The following SYNE1 variants were observed in gnomAD, a reference collection of about 807,000 sequenced individuals.
SYNE1 encodes the protein nesprin-1.
SYNE1 carries 616 observed loss-of-function variants against 1,111.0 expected under a neutral mutation model. That is an observed-to-expected ratio of 0.55 (90% CI 0.52 to 0.59). SYNE1 has a LOEUF of 0.59. Ranked by LOEUF, SYNE1 falls within the 20% of genes least tolerant of loss-of-function variation. SYNE1 has a pLI of 0.00. For synonymous variants in SYNE1, 3,855 were observed against 3,825.8 expected, an observed-to-expected ratio of 1.01 and a Z score of -0.28; for missense variants, 10,006 against 10,417.0, an observed-to-expected ratio of 0.96 and a Z score of 1.72.
Position 152,234,032 on chromosome 6 carries a change from A to T in SYNE1, c.20530-69T>A, listed in dbSNP as rs2083400583. The stretch of plus-strand genomic sequence containing the variant: ...CCATTCATTAAAAGGAAAGCGACCA[A>T]TTTAGTGCATGAAACAATTTCCTTT... On this transcript the variant is annotated intron_variant, in intron 111 of 145. Transcript: ENST00000367255. 21 of 1,500,910 alleles carry T rather than the reference A, an allele frequency of 1.4e-5. No homozygotes were observed. The South Asian group carries it at 2.2e-4, about 16-fold the overall frequency. The allele number at this position is 1,500,910 out of a possible 1,614,324, so 93.0% of individuals were successfully genotyped here. A position where few individuals can be genotyped will look rare whatever the true frequency, so the allele number is the denominator to read the frequency against.
At chr6:152,294,904 AG>A (rs1400293786) in intron 93 of SYNE1, among the ~76,000 whole-genome samples, 5 of 152,146 alleles carry the variant, frequency 3.3e-5, no homozygotes, top group Non-Finnish European at 7.4e-5. Context: ...TCTGTATTTC[AG>A]TAGAAATTTA....
chr6:152,387,426 T>C, intron 53 of SYNE1, 45 bp from the exon 54 acceptor site: 1 of 1,590,640 alleles, frequency 6.3e-7, no homozygotes, highest in South Asian at 1.1e-5. Context: ...TATTTTGACA[T>C]CTCTACTGAA....
At chr6:152,432,978 A>G (rs967725181) in intron 34 of SYNE1, among the ~76,000 whole-genome samples, 1 of 151,084 alleles carries the variant, frequency 6.6e-6, no homozygotes, top group Admixed American at 6.6e-5. Context: ...GCACCCTCCC[A>G]CCCTCCACAT....
chr6:152,279,589 G>A (rs186491879), intron 97 of SYNE1, among the ~76,000 whole-genome samples: 7 of 151,904 alleles, frequency 4.6e-5, no homozygotes, highest in Non-Finnish European at 7.4e-5. Context: ...GTGGTGGCAC[G>A]TGCCTGTACT....
chr6:152,351,101 G>T (rs756221471), intron 70 of SYNE1, among the ~76,000 whole-genome samples: 3 of 152,084 alleles, frequency 2.0e-5, no homozygotes, highest in African/African-American at 7.2e-5. Context: ...ACATAAAAAG[G>T]CCACTATCTT....
rs2059944292 is a variant in SYNE1, at chr6:152,148,848, A to T, written c.24643-470T>A. ...CTACCATGCCCACCACACAACACCT[A>T]CACACTGGCAAGGATCGGAAATAAG... is the stretch of plus-strand genomic sequence containing the variant. On this transcript the variant is annotated intron_variant, in intron 136 of 145. Transcript: ENST00000367255. The surrounding 1 kb of genome is among the most constrained non-coding windows in gnomAD (Gnocchi z 4.1). Among the ~76,000 whole-genome samples the T allele has an allele frequency of 6.6e-6, 1 of 152,180 alleles. No homozygotes were observed. Among genetic ancestry groups the T allele is most frequent in the Non-Finnish European group, 1.5e-5 (1 of 68,022 alleles).
intron 128 of SYNE1, among the ~76,000 whole-genome samples, chr6:152,186,645 G>A (rs1429797828): frequency 6.7e-6 from 1 of 148,946 alleles, no homozygotes; most frequent in Non-Finnish European, 1.5e-5. Flanking sequence ...CAGGAAGAGT[G>A]GCATAATCCA....
intron 62 of SYNE1, 126 bp from the exon 63 acceptor site, chr6:152,365,145 G>A (rs1365527611): frequency 3.3e-5 from 40 of 1,209,532 alleles, no homozygotes; most frequent in Admixed American, 1.8e-4. Flanking sequence ...GCTCCCAGTC[G>A]GCTGAGACAG....
chr6:152,303,494 T>C (rs1348767118), intron 91 of SYNE1, among the ~76,000 whole-genome samples: 1 of 151,936 alleles, frequency 6.6e-6, no homozygotes, highest in East Asian at 1.9e-4. Context: ...TACATTCATA[T>C]ATATACACAC....
Position 152,444,556 on chromosome 6 carries a change from A to C in SYNE1, c.3692T>G (p.Phe1231Cys). Residue 1231 changes from phenylalanine to cysteine, a missense_variant, in exon 30 of 146, where the codon TTT becomes TGT. Physicochemically the swap from Phe to Cys is radical, Grantham distance 205. Around this residue, in one of 7 missense-constraint regions of SYNE1, gnomAD observed 1,971 missense variants for 2,084.1 expected, o/e 0.95. Coordinates refer to ENST00000367255, the MANE Select transcript of SYNE1 (RefSeq NM_182961.4). ...LSEVEKMLSN[F>C]GDCVQYKEIV... Reference sequence around the variant, plus strand: ...TTCTTTGTACTGGACACAGTCCCCAAAATTGCTTAGCATCTTTTCAACCTA... The same window carrying C: ...TTCTTTGTACTGGACACAGTCCCCACAATTGCTTAGCATCTTTTCAACCTA... The C allele has an allele frequency of 6.2e-7, 1 of 1,612,874 alleles. No homozygotes were observed. The highest frequency in any genetic ancestry group is 8.5e-7 in the Non-Finnish European group (1 of 1,179,790).
At position 152,148,357 on chromosome 6, in the gene SYNE1, G is replaced by C. The variant is rs2152881730; in HGVS notation, c.24664C>G (p.Leu8222Val). ...RLPLPDDEHDLSDRELELEDS... is the reference protein window; with the variant it reads ...RLPLPDDEHDVSDRELELEDS... Reference sequence around the variant, plus strand: ...TCCAGCTCCAGCTCCCTGTCTGAGAGGTCGTGCTCATCGTCTGGGAGCTAG... The same window carrying C: ...TCCAGCTCCAGCTCCCTGTCTGAGACGTCGTGCTCATCGTCTGGGAGCTAG... The change falls in exon 137 of 146, where the codon CTC becomes GTC. Residue 8222 changes from leucine (L) to valine (V), a missense_variant. Leu to Val is a conservative substitution (Grantham distance 32). This residue lies in a region of SYNE1 where 761 missense variants were observed against 795.5 expected (regional missense o/e 0.96). Transcript: ENST00000367255. This position sits in a 1 kb window ranked among gnomAD's most constrained non-coding sequence, Gnocchi z 4.1. 2 of 1,614,098 alleles carry C rather than the reference G, an allele frequency of 1.2e-6. No individual in the cohort carries two copies. Among genetic ancestry groups the C allele is most frequent in the South Asian group, 1.1e-5 (1 of 91,072 alleles).
rs532804121 is a variant in SYNE1 at position 152,139,280 on chromosome 6, C to A, written c.25458+670G>T. Among the ~76,000 whole-genome samples the A allele has an allele frequency of 5.3e-5, 8 of 152,082 alleles. No individual in the cohort carries two copies. The East Asian group carries it at 1.4e-3, about 26-fold the overall frequency. On this transcript the variant is annotated intron_variant, in intron 140 of 145. Coordinates refer to ENST00000367255, the MANE Select transcript of SYNE1 (RefSeq NM_182961.4). Reference sequence around the variant, plus strand: ...GGTCCCCTTTTCTGCCCTTGAAAACCATCTTTGTGGCCGGGCACGGTGGCT... The same window carrying A: ...GGTCCCCTTTTCTGCCCTTGAAAACAATCTTTGTGGCCGGGCACGGTGGCT...
Position 152,511,072 on chromosome 6 carries a change from A to T in SYNE1, c.341T>A (p.Ile114Lys). 6.2e-7 allele frequency: 1 copy of T among 1,614,034 alleles called. No homozygotes were observed. The stretch of plus-strand genomic sequence containing the variant: ...AACTATTGAGGGTCGGCCATCAGCT[A>T]TATCGGTGGAGTTAATGTTGACTAA... ...IKLVNINSTD[I>K]ADGRPSIVLG... Residue 114 changes from isoleucine (I) to lysine (K), a missense_variant, in exon 7 of 146, where the codon ATA (isoleucine) becomes AAA (lysine). Physicochemically the swap from Ile to Lys is moderately radical, Grantham distance 102. Around this residue, in one of 7 missense-constraint regions of SYNE1, gnomAD observed 1,971 missense variants for 2,084.1 expected, o/e 0.95. Transcript: ENST00000367255.
Position 152,289,769 on chromosome 6 carries a change from A to G in SYNE1, c.18012+3819T>C, listed in dbSNP as rs190566869. Among the ~76,000 whole-genome samples the G allele has an allele frequency of 4.4e-3, 674 of 151,984 alleles. 7 individuals are homozygous for G. The highest frequency in any genetic ancestry group is 0.015 in the African/African-American group (602 of 41,482). On this transcript the variant is annotated intron_variant, in intron 95 of 145. Transcript: ENST00000367255. ...AGCCTCCCAAGTAGCTGGGACTACA[A>G]GCGCCCACCACCATGCCTGGCTAAG...
chr6:152,136,560 C>T lies in SYNE1; in HGVS notation c.25659+58G>A. 1.2e-6 allele frequency: 2 copies of T among 1,600,960 alleles called. No individual in the cohort carries two copies. Among genetic ancestry groups the T allele is most frequent in the Middle Eastern group, 2.2e-4 (1 of 4,478 alleles). On this transcript the variant is annotated intron_variant, in intron 141 of 145. Coordinates refer to ENST00000367255, the MANE Select transcript of SYNE1 (RefSeq NM_182961.4). ...AAACCATGATACATCAAGTCACACA[C>T]TCAGCTAAATTGCTAATGTCTCTCT...
chr6:152,508,988 A>G (rs1027803136), intron 8 of SYNE1, among the ~76,000 whole-genome samples: 1 of 152,144 alleles, frequency 6.6e-6, no homozygotes, highest in Non-Finnish European at 1.5e-5. Flanking sequence ...TAGTACCTCA[A>G]TATTTTATAA....
At chr6:152,123,439 A>T (rs2813559) in intron 145 of SYNE1, among the ~76,000 whole-genome samples, 1 of 152,034 alleles carries the variant, frequency 6.6e-6, no homozygotes, top group Non-Finnish European at 1.5e-5. Flanking sequence ...TCTACACTCA[A>T]AGTGACAAGT....
intron 42 of SYNE1, among the ~76,000 whole-genome samples, chr6:152,411,709 TCA>T (rs778760518): frequency 2.5e-5 from 3 of 122,194 alleles, no homozygotes; most frequent in African/African-American, 3.5e-5. Context: ...GCACTTAAAG[TCA>T]CACACACACA....
chr6:152,161,571 A>G (rs932584991), intron 131 of SYNE1, among the ~76,000 whole-genome samples: 3 of 151,438 alleles, frequency 2.0e-5, no homozygotes, highest in Non-Finnish European at 2.9e-5. Context: ...TTTTGTTTAC[A>G]TTTTCTTTCT....
Sources: allele counts gnomAD v4.1 joint callset (sites outside exome capture counted in the v4.1 genomes callset), GRCh38; gene constraint gnomAD v4.1.1; regional missense constraint gnomAD v4.1.1; non-coding constraint Gnocchi (gnomAD v3.1); transcripts MANE v1.5; gene names NCBI Gene and HGNC (gene_info 2026-07-23, HGNC 2026-07-21).